Variants in NKAIN2 observed in about 807,000 individuals in gnomAD.
NKAIN2 encodes the protein sodium/potassium transporting ATPase interacting 2.
A neutral mutation model predicts 32.6 loss-of-function variants in NKAIN2; 14 were observed. That is an observed-to-expected ratio of 0.43 (90% confidence interval 0.28 to 0.67). NKAIN2 has a LOEUF of 0.67. NKAIN2 is among the 30% of genes least tolerant of loss of function. The probability of loss-of-function intolerance (pLI) is 0.17; values close to 1 mark genes in which losing one functional copy is unlikely to be tolerated. For missense variants in NKAIN2, 198 were observed against 258.3 expected (o/e 0.77, Z 1.60); for synonymous variants, 80 against 87.2 (o/e 0.92, Z 0.46).
chr6:124,286,681 CGT>C (rs142033167), intron 2 of NKAIN2, among the ~76,000 whole-genome samples: 11,828 of 130,574 alleles, frequency 0.091, 1,172 homozygotes, highest in African/African-American at 0.27. Context: ...TGTGCGCGCG[CGT>C]GTGTGTGTGT....
At chr6:124,197,120 A>C (rs1790352435) in intron 1 of NKAIN2, among the ~76,000 whole-genome samples, 1 of 151,674 alleles carries the variant, frequency 6.6e-6, no homozygotes, top group Non-Finnish European at 1.5e-5. Flanking sequence ...ATATATTTAA[A>C]TTGTAGAAAA....
chr6:123,810,077 T>TC (rs1173549463), intron 1 of NKAIN2, among the ~76,000 whole-genome samples: 104 of 152,256 alleles, frequency 6.8e-4, no homozygotes, highest in African/African-American at 2.4e-3. Flanking sequence ...ATGTTTTTTT[T>TC]TCCCCCCACT....
chr6:124,117,335 G>T (rs1785663620), intron 1 of NKAIN2, among the ~76,000 whole-genome samples: 1 of 152,128 alleles, frequency 6.6e-6, no homozygotes, highest in Non-Finnish European at 1.5e-5. Flanking sequence ...TGATCTGTTT[G>T]ATTGATAGCA....
intron 1 of NKAIN2, among the ~76,000 whole-genome samples, chr6:124,192,750 T>G (rs944385266): frequency 3.7e-5 from 5 of 135,060 alleles, no homozygotes; most frequent in African/African-American, 2.8e-5. Context: ...CGTTTTTTTT[T>G]TTTTTTTTTT....
intron 3 of NKAIN2, among the ~76,000 whole-genome samples, chr6:124,595,612 G>T (rs907615911): frequency 4.6e-5 from 7 of 152,062 alleles, no homozygotes; most frequent in Admixed American, 2.6e-4. Context: ...ATTATTTTTT[G>T]CCAAGACAAT....
At chr6:124,493,717 C>CAAAAAAA (rs71021496) in intron 3 of NKAIN2, among the ~76,000 whole-genome samples, 1 of 85,844 alleles carries the variant, frequency 1.2e-5, no homozygotes. Flanking sequence ...CCCCCCCCTC[C>CAAAAAAA]AAAAAAAAAA....
intron 3 of NKAIN2, among the ~76,000 whole-genome samples, chr6:124,431,132 G>A (rs754170844): frequency 2.6e-5 from 4 of 152,136 alleles, no homozygotes; most frequent in Non-Finnish European, 5.9e-5. Flanking sequence ...GTGGGATTGC[G>A]ATGCCCATTC....
At chr6:124,751,186 T>A (rs1171267483) in intron 4 of NKAIN2, among the ~76,000 whole-genome samples, 1 of 152,020 alleles carries the variant, frequency 6.6e-6, no homozygotes, top group African/African-American at 2.4e-5. Flanking sequence ...GCTCCTATCC[T>A]CCCATAGAAA....
chr6:124,064,145 G>T (rs1370079287), intron 1 of NKAIN2, among the ~76,000 whole-genome samples: 1 of 151,782 alleles, frequency 6.6e-6, no homozygotes, highest in Non-Finnish European at 1.5e-5. Context: ...TATAGACTGG[G>T]TTTCACCATG....
intron 1 of NKAIN2, among the ~76,000 whole-genome samples, chr6:124,282,578 C>A (rs2114920002): frequency 6.6e-6 from 1 of 152,298 alleles, no homozygotes; most frequent in Non-Finnish European, 1.5e-5. Flanking sequence ...CTAAAGATTT[C>A]TTTTTCCTCC....
At chr6:124,279,423 C>A (rs971716490) in intron 1 of NKAIN2, among the ~76,000 whole-genome samples, 20 of 149,524 alleles carry the variant, frequency 1.3e-4, no homozygotes, top group Non-Finnish European at 2.7e-4. Flanking sequence ...AGGAGAATGG[C>A]GTGAACCTGG....
intron 3 of NKAIN2, among the ~76,000 whole-genome samples, chr6:124,553,544 T>A (rs975157241): frequency 6.6e-6 from 1 of 152,156 alleles, no homozygotes; most frequent in Non-Finnish European, 1.5e-5. Context: ...CGACCTCAGA[T>A]GATCCACCTG....
rs551645445 is a variant in NKAIN2, at chr6:124,197,383, C to T, written c.55-85622C>T. 2.1e-4 allele frequency among the ~76,000 whole-genome samples: 32 copies of T among 152,122 alleles called. 2 individuals carry two copies. In the South Asian group the frequency reaches 6.4e-3, roughly 31 times the overall value. ...GTTCGACAGTCAATACAGTTTGTGT[C>T]CCCTTGGAGGAGCTCACTTCTCTTT... is the stretch of plus-strand genomic sequence containing the variant. On this transcript the variant is annotated intron_variant, in intron 1 of 6. Coordinates refer to ENST00000368417, the MANE Select transcript of NKAIN2 (RefSeq NM_001040214.3).
intron 3 of NKAIN2, among the ~76,000 whole-genome samples, chr6:124,530,878 G>A (rs1336415828): frequency 1.3e-5 from 2 of 152,184 alleles, no homozygotes; most frequent in Non-Finnish European, 2.9e-5. Context: ...AGCTCCAGAA[G>A]AAAGAATGAA....
At chr6:124,112,673 C>G (rs1325445016) in intron 1 of NKAIN2, among the ~76,000 whole-genome samples, 1 of 152,120 alleles carries the variant, frequency 6.6e-6, no homozygotes, top group African/African-American at 2.4e-5. Context: ...TCTCTATTAT[C>G]ATTAAGAGAC....
At chr6:124,149,873 G>T (rs958340802) in intron 1 of NKAIN2, among the ~76,000 whole-genome samples, 2 of 149,648 alleles carry the variant, frequency 1.3e-5, no homozygotes, top group African/African-American at 4.9e-5. Context: ...CTAGAAGCTG[G>T]ACCTGCTTGC....
chr6:123,883,582 C>T (rs942838298), intron 1 of NKAIN2, among the ~76,000 whole-genome samples: 2 of 151,588 alleles, frequency 1.3e-5, no homozygotes, highest in African/African-American at 2.4e-5. Context: ...GTTCCTGAGG[C>T]GTCCCCAGTC....
At chr6:124,444,999 A>C (rs1055469489) in intron 3 of NKAIN2, among the ~76,000 whole-genome samples, 1 of 152,072 alleles carries the variant, frequency 6.6e-6, no homozygotes, top group Admixed American at 6.6e-5. Context: ...CAAATAATAC[A>C]TGCATGCAAT....
chr6:123,906,485 G>A (rs906193334), intron 1 of NKAIN2, among the ~76,000 whole-genome samples: 6 of 150,068 alleles, frequency 4.0e-5, no homozygotes, highest in African/African-American at 1.5e-4. Context: ...TAGAGACAGG[G>A]TTTCTCCATG....
Sources: gnomAD v4.1 joint callset for allele counts (sites outside exome capture counted in the v4.1 genomes callset) on GRCh38, gnomAD v4.1.1 for gene constraint, MANE v1.5 for transcripts, NCBI Gene and HGNC (gene_info 2026-07-23, HGNC 2026-07-21) for gene names.